The following RBKS variants were observed in gnomAD, a reference collection of about 807,000 sequenced individuals.
RBKS encodes ribokinase.
In RBKS, 33 loss-of-function variants were observed where a neutral mutation model predicts 33.9. The observed-to-expected ratio is 0.97, with a 90% CI of 0.74 to 1.30. The LOEUF (loss-of-function observed/expected upper bound fraction) is 1.30, where lower values mean the gene tolerates loss of function less well. RBKS is among the 50% of genes most tolerant of loss of function. RBKS has a pLI of 0.00. For missense variants in RBKS, 361 were observed against 392.6 expected (o/e 0.92, Z 0.68); for synonymous variants, 125 against 143.0 (o/e 0.87, Z 0.90).
At chr2:27,862,560 A>G (rs1282204788) in intron 1 of RBKS, among the ~76,000 whole-genome samples, 1 of 152,160 alleles carries the variant, frequency 6.6e-6, no homozygotes, top group African/African-American at 2.4e-5. Flanking sequence ...TGCTGCTCTC[A>G]TTCCACCCCT....
chr2:27,840,170 C>T (rs914774479), intron 5 of RBKS, among the ~76,000 whole-genome samples: 3 of 151,728 alleles, frequency 2.0e-5, no homozygotes, highest in Non-Finnish European at 4.4e-5. Context: ...CAGGCACCCA[C>T]CACCATGCCC....
In RBKS at chr2:27,781,447, CA is replaced by C. The variant is rs1320844429; in HGVS notation, c.*167del. ...TTGTTTTGTGCAAATGCATGGAAAG[CA>C]AAAGAATCATCGTTATAAATAAATT... On this transcript the variant is annotated 3_prime_UTR_variant, in exon 8 of 8. Coordinates refer to ENST00000302188, the MANE Select transcript of RBKS (RefSeq NM_022128.3). 5.2e-6 allele frequency: 3 copies of C among 581,890 alleles called. No homozygotes were observed. Among genetic ancestry groups the C allele is most frequent in the Admixed American group, 6.9e-5 (2 of 28,946 alleles). The allele number at this position is 581,890 out of a possible 1,614,324, so 36.0% of individuals were successfully genotyped here.
At chr2:27,867,662 T>C (rs984888854) in intron 1 of RBKS, among the ~76,000 whole-genome samples, 3 of 152,140 alleles carry the variant, frequency 2.0e-5, no homozygotes, top group African/African-American at 7.2e-5. Flanking sequence ...GATAATTATA[T>C]ATATATACTT....
chr2:27,786,495 AAAT>A (rs1677403314), intron 7 of RBKS, among the ~76,000 whole-genome samples: 2 of 152,294 alleles, frequency 1.3e-5, no homozygotes, highest in Non-Finnish European at 2.9e-5. Flanking sequence ...AAAGTTTTAA[AAAT>A]ATGGCTGGGC....
intron 7 of RBKS, among the ~76,000 whole-genome samples, chr2:27,802,712 AG>A (rs1048877143): frequency 3.3e-5 from 5 of 152,016 alleles, no homozygotes; most frequent in African/African-American, 1.2e-4. Context: ...AGAAATCCCT[AG>A]CTCTGTCAGC....
intron 5 of RBKS, among the ~76,000 whole-genome samples, chr2:27,835,978 G>T (rs1678510689): frequency 6.6e-6 from 1 of 152,026 alleles, no homozygotes; most frequent in South Asian, 2.1e-4. Context: ...CACTTTGGGA[G>T]GCTGAGGGGG....
rs1353701331 is a variant in RBKS at position 27,837,344 on chromosome 2, A to C, written c.515-4567T>G. On this transcript the variant is annotated intron_variant, in intron 5 of 7. Coordinates refer to ENST00000302188, the MANE Select transcript of RBKS (RefSeq NM_022128.3). The surrounding 1 kb of genome is among the most constrained non-coding windows in gnomAD (Gnocchi z 4.0). Reference sequence around the variant, plus strand: ...ACACAACAGATGCTGGTGAGGCTGCAGAGAGAAGGAAACACTTATACACTG... The same window carrying C: ...ACACAACAGATGCTGGTGAGGCTGCCGAGAGAAGGAAACACTTATACACTG... Among the ~76,000 whole-genome samples the C allele has an allele frequency of 1.3e-5, 2 of 150,748 alleles. No homozygotes were observed. The highest frequency in any genetic ancestry group is 2.9e-5 in the Non-Finnish European group (2 of 68,026).
chr2:27,802,201 G>A (rs540673048), intron 7 of RBKS, among the ~76,000 whole-genome samples: 1 of 150,650 alleles, frequency 6.6e-6, no homozygotes, highest in South Asian at 2.1e-4. Context: ...GAGTGGCAAG[G>A]GGATGGTGCT....
chr2:27,880,161 A>G (rs1239141619), intron 1 of RBKS, among the ~76,000 whole-genome samples: 1 of 152,230 alleles, frequency 6.6e-6, no homozygotes, highest in Non-Finnish European at 1.5e-5. Context: ...AAACAGAACT[A>G]AAGGCAAAAG....
chr2:27,802,414 G>C (rs2148189764), intron 7 of RBKS, among the ~76,000 whole-genome samples: 1 of 144,668 alleles, frequency 6.9e-6, no homozygotes, highest in East Asian at 2.1e-4. Context: ...CCCATTGTAG[G>C]TCAAGGAACA....
At chr2:27,794,308 T>G (rs959592709) in intron 7 of RBKS, among the ~76,000 whole-genome samples, 26 of 74,544 alleles carry the variant, frequency 3.5e-4, no homozygotes, top group African/African-American at 2.3e-3. Context: ...CCCCACAAAA[T>G]AATAATAATA....
At chr2:27,789,949 G>GTATATATATATA (rs35109548) in intron 7 of RBKS, among the ~76,000 whole-genome samples, 199 of 121,486 alleles carry the variant, frequency 1.6e-3, no homozygotes, top group African/African-American at 4.2e-3. Flanking sequence ...ATGTATATGT[G>GTATATATATATA]TATATATATA....
At chr2:27,864,430 C>A (rs1418926457) in intron 1 of RBKS, among the ~76,000 whole-genome samples, 1 of 152,160 alleles carries the variant, frequency 6.6e-6, no homozygotes, top group Non-Finnish European at 1.5e-5. Context: ...CAGCCTTTCA[C>A]AATGTCATAT....
intron 1 of RBKS, 95 bp from the exon 2 acceptor site, chr2:27,858,666 T>G: frequency 9.7e-7 from 1 of 1,034,714 alleles, no homozygotes; most frequent in Non-Finnish European, 1.4e-6. Context: ...GGTAGAGCTC[T>G]AAATAGTCTT....
chr2:27,871,063 G>T (rs559394252), intron 1 of RBKS, among the ~76,000 whole-genome samples: 2 of 152,178 alleles, frequency 1.3e-5, no homozygotes, highest in Non-Finnish European at 2.9e-5. Context: ...TGAGGAACTT[G>T]TGCCACCTTT....
At chr2:27,820,031 C>T (rs939236251) in intron 7 of RBKS, among the ~76,000 whole-genome samples, 6 of 152,176 alleles carry the variant, frequency 3.9e-5, no homozygotes, top group Non-Finnish European at 7.3e-5. Flanking sequence ...GGCCCAGTTA[C>T]ATGAAGATTA....
rs1359014106 is a variant in RBKS at position 27,837,936 on chromosome 2, A to G, written c.514+5131T>C. Among the ~76,000 whole-genome samples, 1 of 152,146 alleles carries G rather than the reference A, an allele frequency of 6.6e-6. No individual in the cohort carries two copies. The highest frequency in any genetic ancestry group is 1.5e-5 in the Non-Finnish European group (1 of 68,022). ...ATATGAAGGCCTGGTGCGGTGGTTC[A>G]TGCCTGTAATCCCAGTACTTTGGGA... On this transcript the variant is annotated intron_variant, in intron 5 of 7. Transcript: ENST00000302188. The surrounding 1 kb of genome is among the most constrained non-coding windows in gnomAD (Gnocchi z 4.0).
rs1295267809 is a variant in RBKS, at chr2:27,882,844, C to G, written c.89+7413G>C. On this transcript the variant is annotated intron_variant, in intron 1 of 7. Coordinates refer to ENST00000302188, the MANE Select transcript of RBKS (RefSeq NM_022128.3). ...CACAGGTACAGAAAGCTAAATACTG[C>G]ATGTTCTTACTTATAAGTGGGAGCT... 2.0e-5 allele frequency among the ~76,000 whole-genome samples: 3 copies of G among 152,166 alleles called. No individual in the cohort carries two copies. The South Asian group carries it at 6.2e-4, about 32-fold the overall frequency.
At chr2:27,861,378 G>C (rs1156634248) in intron 1 of RBKS, 1 of 424,524 alleles carries the variant, frequency 2.4e-6, no homozygotes, top group Non-Finnish European at 5.0e-6. Context: ...GGGATGACTG[G>C]GCAACTGTCC....
Sources: allele counts gnomAD v4.1 joint callset (sites outside exome capture counted in the v4.1 genomes callset), GRCh38; gene constraint gnomAD v4.1.1; non-coding constraint Gnocchi (gnomAD v3.1); transcripts MANE v1.5; gene names NCBI Gene and HGNC (gene_info 2026-07-23, HGNC 2026-07-21).